The following JAKMIP2 variants were observed in gnomAD, a reference collection of about 807,000 sequenced individuals.
The protein encoded by JAKMIP2 is janus kinase and microtubule-interacting protein 2.
A neutral mutation model predicts 115.0 loss-of-function variants in JAKMIP2; 25 were observed. That is an observed-to-expected ratio of 0.22 (90% CI 0.16 to 0.30). JAKMIP2 has a LOEUF of 0.30. JAKMIP2 is among the 10% of genes least tolerant of loss of function. JAKMIP2 has a pLI of 1.00. For synonymous variants in JAKMIP2, 334 were observed against 343.6 expected (o/e 0.97, Z 0.31); for missense variants, 642 against 957.6 (o/e 0.67, Z 4.35).
chr5:147,680,851 C>T (rs1055291569), intron 1 of JAKMIP2, among the ~76,000 whole-genome samples: 1 of 152,170 alleles, frequency 6.6e-6, no homozygotes, highest in Non-Finnish European at 1.5e-5. Flanking sequence ...AATGTGGTGG[C>T]ATGGCTATAG....
chr5:147,747,341 T>C (rs893745310), intron 1 of JAKMIP2, among the ~76,000 whole-genome samples: 5 of 152,130 alleles, frequency 3.3e-5, no homozygotes, highest in African/African-American at 1.2e-4. Flanking sequence ...ACGTCACTTC[T>C]ACCTAGCCAG....
At chr5:147,638,969 A>G (rs1318396407) in intron 10 of JAKMIP2, among the ~76,000 whole-genome samples, 2 of 152,184 alleles carry the variant, frequency 1.3e-5, no homozygotes, top group Non-Finnish European at 2.9e-5. Flanking sequence ...CACAGCAAGC[A>G]CTCAATAAAT....
At position 147,640,832 on chromosome 5, in the gene JAKMIP2, A is replaced by G; in HGVS notation, c.1282-9T>C. 6.2e-7 allele frequency: 1 copy of G among 1,609,836 alleles called. No homozygotes were observed. The highest frequency in any genetic ancestry group is 8.5e-7 in the Non-Finnish European group (1 of 1,178,716). ...GGGTCCAAAACAGGCCTCTAAATGG[A>G]GGGAAAGTACCTATTTACTGACATA... On this transcript the variant is annotated splice_polypyrimidine_tract_variant and intron_variant, in intron 8 of 21. Transcript: ENST00000616793.
intron 15 of JAKMIP2, among the ~76,000 whole-genome samples, chr5:147,629,128 G>A (rs1034213932): frequency 2.0e-5 from 3 of 152,118 alleles, no homozygotes; most frequent in African/African-American, 7.2e-5. Context: ...CTTCATAGAA[G>A]TTTTGATGTA....
intron 1 of JAKMIP2, among the ~76,000 whole-genome samples, chr5:147,702,463 AAGGG>A (rs58443373): frequency 1.7e-5 from 2 of 121,094 alleles, no homozygotes; most frequent in Non-Finnish European, 3.2e-5. Context: ...GGAAGGAAGG[AAGGG>A]AGGGAGGGAA....
chr5:147,637,647 C>A (rs1292208505), intron 10 of JAKMIP2, among the ~76,000 whole-genome samples: 1 of 151,958 alleles, frequency 6.6e-6, no homozygotes, highest in Non-Finnish European at 1.5e-5. Flanking sequence ...ACCGTGTTGG[C>A]CTGGCTGGTC....
intron 16 of JAKMIP2, among the ~76,000 whole-genome samples, chr5:147,626,694 T>G (rs974995010): frequency 4.6e-5 from 7 of 152,246 alleles, no homozygotes; most frequent in Non-Finnish European, 8.8e-5. Context: ...ACAGTTGTAC[T>G]GCACCCACAC....
chr5:147,708,138 A>G (rs1752649538), intron 1 of JAKMIP2, among the ~76,000 whole-genome samples: 1 of 152,234 alleles, frequency 6.6e-6, no homozygotes, highest in Non-Finnish European at 1.5e-5. Flanking sequence ...CATATGGTGA[A>G]GACTAAGATT....
chr5:147,725,823 T>G (rs1753494268), intron 1 of JAKMIP2, among the ~76,000 whole-genome samples: 1 of 152,152 alleles, frequency 6.6e-6, no homozygotes, highest in Non-Finnish European at 1.5e-5. Flanking sequence ...ATTGCTATTC[T>G]CTTTGGATTA....
chr5:147,650,925 G>A (rs1025547703), intron 3 of JAKMIP2, among the ~76,000 whole-genome samples: 3 of 152,064 alleles, frequency 2.0e-5, no homozygotes, highest in Non-Finnish European at 4.4e-5. Flanking sequence ...ATTTTTTGAT[G>A]TCACTTCTTC....
chr5:147,619,612 G>A (rs1410548176), intron 18 of JAKMIP2, among the ~76,000 whole-genome samples: 2 of 152,154 alleles, frequency 1.3e-5, no homozygotes, highest in East Asian at 1.9e-4. Context: ...ATGGAGGGTG[G>A]AGCATAAGGA....
chr5:147,726,415 C>T (rs996430821), intron 1 of JAKMIP2, among the ~76,000 whole-genome samples: 2 of 152,152 alleles, frequency 1.3e-5, no homozygotes, highest in Admixed American at 6.5e-5. Flanking sequence ...AGAAGCCTGG[C>T]GTGCTGGCAA....
At chr5:147,732,437 C>T (rs1200995311) in intron 1 of JAKMIP2, among the ~76,000 whole-genome samples, 3 of 152,142 alleles carry the variant, frequency 2.0e-5, no homozygotes, top group African/African-American at 2.4e-5. Context: ...GAGCTGCCAG[C>T]GTTCTATTCA....
chr5:147,636,234 C>T lies in JAKMIP2; in HGVS notation c.1665G>A (p.Glu555=). 1.2e-6 allele frequency: 2 copies of T among 1,613,690 alleles called. No homozygotes were observed. The highest frequency in any genetic ancestry group is 1.7e-6 in the Non-Finnish European group (2 of 1,179,592). The part of the protein sequence containing the change: ...DKQLFIKRNQ[E]LLEKIEKQEA... ...GTGCCCAACATACCTTTTCTAAAAG[C>T]TCCTGGTTTCTCTTAATGAAAAGTT... is the stretch of plus-strand genomic sequence containing the variant. The change falls in exon 12 of 22, where the codon GAG becomes GAA. Residue 555 remains glutamate, a synonymous_variant. Transcript: ENST00000616793.
chr5:147,748,933 T>G (rs1035814564), intron 1 of JAKMIP2, among the ~76,000 whole-genome samples: 1 of 152,162 alleles, frequency 6.6e-6, no homozygotes, highest in African/African-American at 2.4e-5. Context: ...TTCTCTTTCT[T>G]TTGCCTATTA....
chr5:147,622,819 G>A (rs1453340250), intron 17 of JAKMIP2, among the ~76,000 whole-genome samples: 1 of 152,072 alleles, frequency 6.6e-6, no homozygotes, highest in Admixed American at 6.5e-5. Context: ...ATTTTTTTGA[G>A]CAACCACCAT....
chr5:147,705,514 G>A (rs530112153), intron 1 of JAKMIP2, among the ~76,000 whole-genome samples: 4 of 151,994 alleles, frequency 2.6e-5, no homozygotes, highest in African/African-American at 4.8e-5. Flanking sequence ...AGGTTGCAGT[G>A]AGCCAACATT....
chr5:147,682,459 C>T (rs951488541), intron 1 of JAKMIP2, among the ~76,000 whole-genome samples: 1 of 152,118 alleles, frequency 6.6e-6, no homozygotes, highest in Non-Finnish European at 1.5e-5. Context: ...CACAGGTATA[C>T]AAAGAACAGT....
At chr5:147,644,305 G>C in intron 6 of JAKMIP2, 107 bp from the exon 7 acceptor site, 2 of 1,061,824 alleles carry the variant, frequency 1.9e-6, no homozygotes, top group South Asian at 2.0e-5. Context: ...GCTAAATTTG[G>C]AAATTGCCCA....
Sources: gnomAD v4.1 joint callset for allele counts (sites outside exome capture counted in the v4.1 genomes callset) on GRCh38, gnomAD v4.1.1 for gene constraint, MANE v1.5 for transcripts, NCBI Gene and HGNC (gene_info 2026-07-23, HGNC 2026-07-21) for gene names.